The following CES4A variants were observed in gnomAD, a reference collection of about 807,000 sequenced individuals.
The protein encoded by CES4A is carboxylesterase 4A.
CES4A carries 48 observed loss-of-function variants against 65.4 expected under a neutral mutation model. The observed-to-expected ratio is 0.73, with a 90% CI of 0.58 to 0.93. The LOEUF (loss-of-function observed/expected upper bound fraction) is 0.93. Ranked by LOEUF, CES4A falls within the 40% of genes least tolerant of loss-of-function variation. The pLI is 0.00. For synonymous variants in CES4A, 247 were observed against 281.8 expected, an observed-to-expected ratio of 0.88 and a Z score of 1.24; for missense variants, 685 against 728.5, an observed-to-expected ratio of 0.94 and a Z score of 0.69.
At chr16:67,009,278 C>T in exon 14 of CES4A, 2 of 841,688 alleles carry the variant, frequency 2.4e-6, no homozygotes, top group East Asian at 5.1e-5. Context: ...CCTGCTGCCT[C>T]CAGGCCAAAG....
Position 67,003,265 on chromosome 16 carries a change from C to A in CES4A, c.805C>A (p.His269Asn), listed in dbSNP as rs1291936753. 10 of 1,614,132 alleles carry A rather than the reference C, an allele frequency of 6.2e-6. No homozygotes were observed. Among genetic ancestry groups the A allele is most frequent in the Non-Finnish European group, 8.5e-6 (10 of 1,180,004 alleles). The change falls in exon 7 of 14, where the codon CAC (histidine) becomes AAC (asparagine). Residue 269 changes from histidine to asparagine, a missense_variant. Coordinates refer to ENST00000648724, the Ensembl canonical transcript of CES4A. The surrounding 1 kb of genome is among the most constrained non-coding windows in gnomAD (Gnocchi z 4.2). ...TTTCTTCTCTCTATAGAAGGTTGCC[C>A]ACCTGGCTGGATGCAACCACAACAG...
At chr16:66,992,853 T>C (rs1389067597) in intron 1 of CES4A, among the ~76,000 whole-genome samples, 2 of 152,094 alleles carry the variant, frequency 1.3e-5, no homozygotes, top group African/African-American at 2.4e-5. Flanking sequence ...ATTATTATTA[T>C]TGGTTTTTTT....
exon 1 of CES4A, chr16:66,988,607 TG>T: frequency 7.2e-7 from 1 of 1,387,516 alleles, no homozygotes; most frequent in Non-Finnish European, 9.7e-7. Flanking sequence ...GGCTGTGGGC[TG>T]GTCAGAAGCT....
chr16:66,999,552 A>G (rs971524752), intron 2 of CES4A, among the ~76,000 whole-genome samples: 10 of 152,228 alleles, frequency 6.6e-5, no homozygotes, highest in African/African-American at 2.2e-4. Context: ...CTATAATCCC[A>G]GCACTTTGGG....
At chr16:67,009,779 T>C (rs1486429390), downstream of CES4A, 9 of 152,356 alleles carry the variant, frequency 5.9e-5, no homozygotes, top group African/African-American at 1.9e-4. Flanking sequence ...AAGTGAATGA[T>C]GTCTCAATTT....
Position 67,000,944 on chromosome 16 carries a change from G to A in CES4A, c.490G>A (p.Val164Met). 1 of 1,613,506 alleles carries A rather than the reference G, an allele frequency of 6.2e-7. No homozygotes were observed. Among genetic ancestry groups the A allele is most frequent in the Middle Eastern group, 1.7e-4 (1 of 6,060 alleles). Residue 164 changes from valine (V) to methionine (M), a missense_variant, in exon 4 of 14, where the codon GTG becomes ATG. Physicochemically the swap from Val to Met is conservative, Grantham distance 21. Transcript: ENST00000648724. The surrounding 1 kb of genome is among the most constrained non-coding windows in gnomAD (Gnocchi z 4.2). Reference sequence around the variant, plus strand: ...TGACTTGGCCGCCCGCGAGAAAGTGGTGCTGGTGTTTCTGCAGCACAGGCT... The same window carrying A: ...TGACTTGGCCGCCCGCGAGAAAGTGATGCTGGTGTTTCTGCAGCACAGGCT...
chr16:66,988,705 T>C lies in CES4A; in HGVS notation c.-68T>C, dbSNP rs1354769303. On this transcript the variant is annotated 5_prime_UTR_variant, in exon 1 of 14. It removes an upstream start codon present in the reference 5' UTR. Transcript: ENST00000648724. The stretch of plus-strand genomic sequence containing the variant: ...TCACACACTGTAGACACGGCTACCA[T>C]GCCATCCACAGTGTTGCCATCCACA... 1 of 1,550,154 alleles carries C rather than the reference T, an allele frequency of 6.5e-7. No individual in the cohort carries two copies. The highest frequency in any genetic ancestry group is 8.7e-7 in the Non-Finnish European group (1 of 1,146,984).
chr16:66,998,316 G>A (rs1362232837), intron 2 of CES4A, among the ~76,000 whole-genome samples: 2 of 152,090 alleles, frequency 1.3e-5, no homozygotes, highest in Non-Finnish European at 2.9e-5. Context: ...CTGGCCGGGC[G>A]AGGTGGCTCT....
intron 11 of CES4A, 117 bp from the exon 12 acceptor site, chr16:67,006,274 G>GA: frequency 8.7e-7 from 1 of 1,145,814 alleles, no homozygotes; most frequent in South Asian, 1.5e-5. Flanking sequence ...CTGCCCCCTT[G>GA]ATTCTGAAGC....
rs116885568 is a variant in CES4A, at chr16:67,004,780, G to A, written c.1081-13G>A. 3,414 of 1,535,796 alleles carry A rather than the reference G, an allele frequency of 2.2e-3. 1 individual carries two copies. Among genetic ancestry groups the A allele is most frequent in the Admixed American group, 6.8e-3 (346 of 50,988 alleles). ...AGGCCTGACCCACACTGGGGTCCTT[G>A]TCTTGTGAACAGATCATGAAGTTCC... is the stretch of plus-strand genomic sequence containing the variant. On this transcript the variant is annotated splice_polypyrimidine_tract_variant and intron_variant, in intron 9 of 13. Transcript: ENST00000648724.
exon 1 of CES4A, chr16:66,988,686 A>G: frequency 3.2e-6 from 5 of 1,547,018 alleles, no homozygotes; most frequent in South Asian, 1.2e-5. Context: ...GTGCTCACAC[A>G]CTGTAGACAC....
exon 1 of CES4A, chr16:66,988,632 C>G: frequency 2.7e-6 from 4 of 1,481,098 alleles, no homozygotes; most frequent in Non-Finnish European, 1.8e-6. Flanking sequence ...TACAATTCCT[C>G]CCGCCCCAGT....
Position 67,003,447 on chromosome 16 carries a change from A to T in CES4A, c.901-68A>T. ...CCCAGCCACCCCCAACTACTTCCCCAGGGACCCTGTCTCAAGAGCACACGA... is the reference window on the plus strand; with the variant it reads ...CCCAGCCACCCCCAACTACTTCCCCTGGGACCCTGTCTCAAGAGCACACGA... On this transcript the variant is annotated intron_variant, in intron 7 of 13. Transcript: ENST00000648724. The surrounding 1 kb of genome is among the most constrained non-coding windows in gnomAD (Gnocchi z 4.2). The T allele has an allele frequency of 6.3e-7, 1 of 1,590,718 alleles. No homozygotes were observed. Among genetic ancestry groups the T allele is most frequent in the Non-Finnish European group, 8.6e-7 (1 of 1,158,880 alleles).
chr16:66,998,156 G>GA (rs896072137), intron 2 of CES4A, among the ~76,000 whole-genome samples: 38 of 149,196 alleles, frequency 2.5e-4, no homozygotes, highest in East Asian at 5.9e-4. Flanking sequence ...AGGATGGTCA[G>GA]AAAAAAAAAC....
chr16:67,006,707 T>C (rs908473694), intron 12 of CES4A, 38 bp from the exon 13 acceptor site: 8 of 1,603,436 alleles, frequency 5.0e-6, no homozygotes, highest in Non-Finnish European at 6.0e-6. Flanking sequence ...CAGTGTCCCC[T>C]GCTCTGTCCG....
chr16:67,001,254 A>G lies in CES4A; in HGVS notation c.537-54A>G, dbSNP rs2145630557. On this transcript the variant is annotated intron_variant, in intron 4 of 13. Coordinates refer to ENST00000648724, the Ensembl canonical transcript of CES4A. This position sits in a 1 kb window ranked among gnomAD's most constrained non-coding sequence, Gnocchi z 4.1. Reference sequence around the variant, plus strand: ...GGGGGAAGCCCAGGAGGGCAGCCCAACGCGCCCCGACTGTCGAGGCCCGGG... The same window carrying G: ...GGGGGAAGCCCAGGAGGGCAGCCCAGCGCGCCCCGACTGTCGAGGCCCGGG... The G allele has an allele frequency of 6.6e-7, 1 of 1,520,780 alleles. No individual in the cohort carries two copies. The highest frequency in any genetic ancestry group is 8.8e-7 in the Non-Finnish European group (1 of 1,137,662). 94.2% of individuals were successfully genotyped at this position (1,520,780 alleles called of 1,614,324 possible).
rs1965359419 is a variant in CES4A, at chr16:67,001,599, A to T, written c.690+138A>T. On this transcript the variant is annotated intron_variant, in intron 5 of 13. Transcript: ENST00000648724. This position sits in a 1 kb window ranked among gnomAD's most constrained non-coding sequence, Gnocchi z 4.1. ...CCACAGAAATGCTCTCGCCCCTGCC[A>T]AGGGTACAGCCCCTCATAGCCAAGG... The T allele has an allele frequency of 1.9e-6, 2 of 1,031,986 alleles. No homozygotes were observed. Among genetic ancestry groups the T allele is most frequent in the Non-Finnish European group, 2.8e-6 (2 of 726,782 alleles). The allele number at this position is 1,031,986 out of a possible 1,614,324, so 63.9% of individuals were successfully genotyped here. A position where few individuals can be genotyped will look rare whatever the true frequency, so the allele number is the denominator to read the frequency against.
rs1405034873 is a variant in CES4A, at chr16:67,001,325, C to A, written c.554C>A (p.Ala185Glu). Residue 185 changes from alanine to glutamate, a missense_variant, in exon 5 of 14, where the codon GCG (alanine) becomes GAG (glutamate). By Grantham distance (107) the Ala-to-Glu change is moderately radical. Coordinates refer to ENST00000648724, the Ensembl canonical transcript of CES4A. The surrounding 1 kb of genome is among the most constrained non-coding windows in gnomAD (Gnocchi z 4.1). ...ACGCCCAGCACGGACGACAGCCACG[C>A]GCGCGGGAACTGGGGGCTGCTGGAC... 11 of 1,609,560 alleles carry A rather than the reference C, an allele frequency of 6.8e-6. No individual in the cohort carries two copies. In the African/African-American group the frequency reaches 9.4e-5, roughly 14 times the overall value.
chr16:67,003,014 A>G lies in CES4A; in HGVS notation c.691-56A>G. On this transcript the variant is annotated intron_variant, in intron 5 of 13. Coordinates refer to ENST00000648724, the Ensembl canonical transcript of CES4A. The surrounding 1 kb of genome is among the most constrained non-coding windows in gnomAD (Gnocchi z 4.2). ...CCATGGCCAGACAGATGCCCAGAAC[A>G]GCCCAGGTGTCTCTACTTGGGCATC... 6.9e-7 allele frequency: 1 copy of G among 1,444,090 alleles called. No homozygotes were observed. The highest frequency in any genetic ancestry group is 9.8e-7 in the Non-Finnish European group (1 of 1,025,472). The allele number at this position is 1,444,090 out of a possible 1,614,324, so 89.5% of individuals were successfully genotyped here.
Sources: gnomAD v4.1 joint callset for allele counts (sites outside exome capture counted in the v4.1 genomes callset) on GRCh38, gnomAD v4.1.1 for gene constraint, Gnocchi (gnomAD v3.1) non-coding constraint, MANE v1.5 for transcripts, NCBI Gene and HGNC (gene_info 2026-07-23, HGNC 2026-07-21) for gene names.